MATN2: variants seen among roughly 807,000 people sequenced by gnomAD.
MATN2 encodes matrilin 2.
In MATN2, 69 loss-of-function variants were observed where a neutral mutation model predicts 103.2. The ratio of observed to expected loss-of-function variants is 0.67; its 90% CI spans 0.55 to 0.82. The LOEUF (loss-of-function observed/expected upper bound fraction) is 0.82. MATN2 is among the 40% of genes least tolerant of loss of function. The pLI, the probability that MATN2 is intolerant of heterozygous loss-of-function variation, is 0.00. For missense variants in MATN2, 1,023 were observed against 1,211.5 expected, an observed-to-expected ratio of 0.84 and a Z score of 2.31; for synonymous variants, 429 against 450.2, an observed-to-expected ratio of 0.95 and a Z score of 0.60.
intron 2 of MATN2, among the ~76,000 whole-genome samples, chr8:97,903,178 C>A (rs1457013452): frequency 6.6e-6 from 1 of 152,198 alleles, no homozygotes; most frequent in Admixed American, 6.5e-5. Flanking sequence ...TCAACACAGA[C>A]TTGCATCTGC....
At chr8:97,897,637 G>T (rs111442179) in intron 2 of MATN2, among the ~76,000 whole-genome samples, 39 of 152,178 alleles carry the variant, frequency 2.6e-4, no homozygotes, top group African/African-American at 9.2e-4. Flanking sequence ...TTAAACCTTT[G>T]AAGTAAAACT....
Position 97,895,945 on chromosome 8 carries a change from T to G in MATN2, c.142+7703T>G, listed in dbSNP as rs951296468. Among the ~76,000 whole-genome samples the G allele has an allele frequency of 2.0e-5, 3 of 152,212 alleles. 1 individual carries two copies. Among genetic ancestry groups the G allele is most frequent in the Non-Finnish European group, 4.4e-5 (3 of 68,050 alleles). On this transcript the variant is annotated intron_variant, in intron 2 of 18. Transcript: ENST00000254898. ...AGGATGCATGGCTTAGGGGCAGATATGCGTTGGAGCAAAGAGAAAGACACG... is the reference window on the plus strand; with the variant it reads ...AGGATGCATGGCTTAGGGGCAGATAGGCGTTGGAGCAAAGAGAAAGACACG...
intron 11 of MATN2, 23 bp from the exon 12 acceptor site, chr8:98,017,971 G>A (rs771305366): frequency 9.3e-6 from 15 of 1,611,190 alleles, no homozygotes; most frequent in Admixed American, 1.7e-5. Flanking sequence ...TGAAATTGTT[G>A]TAACTTGCTC....
At chr8:97,960,767 T>A (rs1406532365) in intron 4 of MATN2, among the ~76,000 whole-genome samples, 1 of 152,216 alleles carries the variant, frequency 6.6e-6, no homozygotes, top group African/African-American at 2.4e-5. Flanking sequence ...AAAAAAATTA[T>A]TTAATGTATT....
intron 1 of MATN2, among the ~76,000 whole-genome samples, chr8:97,871,384 C>T (rs1817892401): frequency 6.6e-6 from 1 of 152,188 alleles, no homozygotes; most frequent in Non-Finnish European, 1.5e-5. Context: ...AGGTCTAACG[C>T]TGGCCTGAGC....
intron 4 of MATN2, among the ~76,000 whole-genome samples, chr8:97,957,230 C>T (rs978604938): frequency 2.6e-5 from 4 of 152,126 alleles, no homozygotes; most frequent in Non-Finnish European, 4.4e-5. Flanking sequence ...AAGGCTGTGC[C>T]GGGGCAGGGG....
intron 1 of MATN2, among the ~76,000 whole-genome samples, chr8:97,880,060 T>C (rs189635898): frequency 6.6e-5 from 10 of 150,644 alleles, no homozygotes; most frequent in African/African-American, 2.2e-4. Context: ...TCTAGGAATT[T>C]ATCGTTAGAA....
At chr8:97,896,120 TCCTGC>T (rs1818798680) in intron 2 of MATN2, among the ~76,000 whole-genome samples, 1 of 152,230 alleles carries the variant, frequency 6.6e-6, no homozygotes, top group African/African-American at 2.4e-5. Context: ...CTGGCTGTGG[TCCTGC>T]CCAGGGCTCA....
chr8:97,994,074 AAAAG>A (rs921033928), intron 6 of MATN2, among the ~76,000 whole-genome samples: 43 of 149,924 alleles, frequency 2.9e-4, no homozygotes, highest in East Asian at 7.7e-4. Flanking sequence ...GAAAGAAAGA[AAAAG>A]AAAGAAAGAA....
intron 3 of MATN2, among the ~76,000 whole-genome samples, chr8:97,933,146 T>C (rs1683129280): frequency 6.6e-6 from 1 of 152,220 alleles, no homozygotes; most frequent in African/African-American, 2.4e-5. Context: ...AAGAAATCAA[T>C]GCCATGAAGA....
At chr8:98,016,418 G>A in intron 10 of MATN2, 122 bp from the exon 11 acceptor site, 2 of 835,702 alleles carry the variant, frequency 2.4e-6, no homozygotes, top group Non-Finnish European at 1.9e-6. Flanking sequence ...TCTGAAATGT[G>A]TACTGTAGGA....
rs184581941 is a variant in MATN2 at position 97,991,654 on chromosome 8, G to A, written c.1082-2826G>A. ...GGAGAATTGCTTGAACCCGGGAGGCGGAGATTGCAGTGAGCTGAGATCGTG... is the reference window on the plus strand; with the variant it reads ...GGAGAATTGCTTGAACCCGGGAGGCAGAGATTGCAGTGAGCTGAGATCGTG... On this transcript the variant is annotated intron_variant, in intron 6 of 18. Coordinates refer to ENST00000254898, the MANE Select transcript of MATN2 (RefSeq NM_002380.5). Among the ~76,000 whole-genome samples, 812 of 151,986 alleles carry A rather than the reference G, an allele frequency of 5.3e-3. 5 individuals are homozygous for A. Among genetic ancestry groups the A allele is most frequent in the Admixed American group, 0.011 (162 of 15,262 alleles).
chr8:97,945,705 G>GAAAA lies in MATN2; in HGVS notation c.835+3816_835+3819dup, dbSNP rs71303437. Reference sequence around the variant, plus strand: ...AATACACACACACATACACACTATAGAAAAAAAAAAAAATATATATATATA... The same window carrying GAAAA: ...AATACACACACACATACACACTATAGAAAAAAAAAAAAAAAAATATATATATATA... On this transcript the variant is annotated intron_variant, in intron 4 of 18. Coordinates refer to ENST00000254898, the MANE Select transcript of MATN2 (RefSeq NM_002380.5). 2.8e-3 allele frequency among the ~76,000 whole-genome samples: 330 copies of GAAAA among 119,830 alleles called. 2 individuals carry two copies. Among genetic ancestry groups the GAAAA allele is most frequent in the African/African-American group, 7.6e-3 (242 of 32,004 alleles). The allele number at this position is 119,830 out of a possible 152,430, so 78.6% of individuals were successfully genotyped here.
chr8:97,946,629 T>G (rs190828817), intron 4 of MATN2, among the ~76,000 whole-genome samples: 24 of 152,330 alleles, frequency 1.6e-4, no homozygotes, highest in Admixed American at 1.4e-3. Flanking sequence ...TCTTGATATA[T>G]TTTCAAAATA....
chr8:97,999,944 G>A lies in MATN2; in HGVS notation c.1205-3717G>A, dbSNP rs540859326. Among the ~76,000 whole-genome samples the A allele has an allele frequency of 1.7e-4, 26 of 150,636 alleles. 1 individual carries two copies. Among genetic ancestry groups the A allele is most frequent in the African/African-American group, 6.1e-4 (25 of 40,912 alleles). On this transcript the variant is annotated intron_variant, in intron 7 of 18. Transcript: ENST00000254898. ...CACCCAGGCTGGAATACAGTGGCGCGATCTTGGCTCACTGCAACCTCCATC... is the reference window on the plus strand; with the variant it reads ...CACCCAGGCTGGAATACAGTGGCGCAATCTTGGCTCACTGCAACCTCCATC...
intron 2 of MATN2, among the ~76,000 whole-genome samples, chr8:97,912,573 A>G (rs1034410669): frequency 5.9e-5 from 9 of 152,180 alleles, no homozygotes; most frequent in African/African-American, 2.2e-4. Context: ...AGAGTTTCCA[A>G]GCAAATTGGA....
At chr8:97,926,344 A>G (rs1809990161) in intron 2 of MATN2, among the ~76,000 whole-genome samples, 1 of 152,230 alleles carries the variant, frequency 6.6e-6, no homozygotes, top group Non-Finnish European at 1.5e-5. Flanking sequence ...CACACCAAGG[A>G]AATCCATTTC....
At chr8:97,890,380 G>A (rs1395805272) in intron 2 of MATN2, among the ~76,000 whole-genome samples, 10 of 151,514 alleles carry the variant, frequency 6.6e-5, no homozygotes, top group Admixed American at 4.6e-4. Context: ...CAGGAGAATC[G>A]CTTGAACCCA....
intron 1 of MATN2, among the ~76,000 whole-genome samples, chr8:97,886,959 GTGCAGTCTC>G (rs970564614): frequency 4.0e-5 from 6 of 151,674 alleles, no homozygotes; most frequent in African/African-American, 1.5e-4. Context: ...GAGTGTAGTG[GTGCAGTCTC>G]TGCTCACTGC....
Sources: allele counts gnomAD v4.1 joint callset (sites outside exome capture counted in the v4.1 genomes callset), GRCh38; gene constraint gnomAD v4.1.1; transcripts MANE v1.5; gene names NCBI Gene and HGNC (gene_info 2026-07-23, HGNC 2026-07-21).